Variants in GALNT13 observed in about 807,000 individuals in gnomAD.
GALNT13 encodes the protein polypeptide N-acetylgalactosaminyltransferase 13.
A neutral mutation model predicts 64.2 loss-of-function variants in GALNT13; 28 were observed. That is an observed-to-expected ratio of 0.44 (90% confidence interval 0.32 to 0.60). GALNT13 has a LOEUF of 0.60. GALNT13 is among the 20% of genes least tolerant of loss of function. The probability of loss-of-function intolerance (pLI) is 0.05; values close to 1 mark genes in which losing one functional copy is unlikely to be tolerated. For synonymous variants in GALNT13, 214 were observed against 224.6 expected, an observed-to-expected ratio of 0.95 and a Z score of 0.42; for missense variants, 577 against 669.8, an observed-to-expected ratio of 0.86 and a Z score of 1.53.
chr2:153,910,576 C>T (rs1688870348), intron 2 of GALNT13, among the ~76,000 whole-genome samples: 2 of 152,028 alleles, frequency 1.3e-5, no homozygotes, highest in African/African-American at 2.4e-5. Flanking sequence ...GCATTTTGTG[C>T]TTCAAATTTT....
chr2:154,286,741 C>T (rs893023877), intron 8 of GALNT13: 2 of 319,712 alleles, frequency 6.3e-6, no homozygotes, highest in East Asian at 7.5e-5. Context: ...CATTGTGGTA[C>T]AGGAAGGGAC....
intron 3 of GALNT13, among the ~76,000 whole-genome samples, chr2:154,014,539 C>T (rs1364771054): frequency 6.6e-6 from 1 of 150,718 alleles, no homozygotes; most frequent in Non-Finnish European, 1.5e-5. Flanking sequence ...TTCCCAGTGC[C>T]TGGCTGTGTC....
chr2:153,889,948 T>C (rs1687442347), intron 1 of GALNT13, among the ~76,000 whole-genome samples: 1 of 151,830 alleles, frequency 6.6e-6, no homozygotes, highest in Non-Finnish European at 1.5e-5. Context: ...GGCCAAAATT[T>C]AGTTTTGTGG....
the GALNT13 span, among the ~76,000 whole-genome samples, chr2:153,394,431 GC>G: frequency 1.4e-4 from 21 of 152,198 alleles, no homozygotes; most frequent in Middle Eastern, 3.4e-3. Context: ...TAAACCACTT[GC>G]TTAATTGTCC....
At chr2:153,343,698 T>A in the GALNT13 span, among the ~76,000 whole-genome samples, 1 of 152,220 alleles carries the variant, frequency 6.6e-6, no homozygotes, top group East Asian at 1.9e-4. Flanking sequence ...ATCCTGCTTA[T>A]CCTGACTAGG....
chr2:153,905,748 T>C (rs1193973082), intron 2 of GALNT13, among the ~76,000 whole-genome samples: 2 of 152,042 alleles, frequency 1.3e-5, no homozygotes, highest in Admixed American at 1.3e-4. Context: ...TTTTTCCCTT[T>C]ATTATTTTCT....
At chr2:153,192,125 A>G in the GALNT13 span, among the ~76,000 whole-genome samples, 25,948 of 151,510 alleles carry the variant, frequency 0.17, 2,378 homozygotes, top group African/African-American at 0.19. Flanking sequence ...CTTGAGGTAC[A>G]TCTTTAGGTT....
At chr2:153,535,882 C>T in the GALNT13 span, among the ~76,000 whole-genome samples, 1 of 152,132 alleles carries the variant, frequency 6.6e-6, no homozygotes, top group Non-Finnish European at 1.5e-5. Flanking sequence ...GAAGGCTAAA[C>T]TGAGGACTTA....
chr2:153,131,803 G>A, the GALNT13 span, among the ~76,000 whole-genome samples: 1 of 151,804 alleles, frequency 6.6e-6, no homozygotes, highest in Non-Finnish European at 1.5e-5. Flanking sequence ...AAGCATGTTT[G>A]GTACCTAATG....
intron 4 of GALNT13, among the ~76,000 whole-genome samples, chr2:154,163,977 C>G (rs1434143305): frequency 6.6e-6 from 1 of 152,100 alleles, no homozygotes; most frequent in Non-Finnish European, 1.5e-5. Context: ...AGGATTTCAT[C>G]TTAAAATGAA....
chr2:153,606,610 A>G, the GALNT13 span, among the ~76,000 whole-genome samples: 1 of 152,128 alleles, frequency 6.6e-6, no homozygotes, highest in African/African-American at 2.4e-5. Context: ...GCCCTAAACC[A>G]TGATAATATT....
chr2:153,847,286 C>A, the GALNT13 span, among the ~76,000 whole-genome samples: 1 of 152,008 alleles, frequency 6.6e-6, no homozygotes, highest in South Asian at 2.1e-4. Flanking sequence ...GACAAAACTA[C>A]GGGCAGTAAT....
Position 154,147,883 on chromosome 2 carries a change from CT to C in GALNT13, c.311+7389del, listed in dbSNP as rs1042576758. 3.1e-3 allele frequency among the ~76,000 whole-genome samples: 435 copies of C among 139,702 alleles called. 3 individuals carry two copies. Among genetic ancestry groups the C allele is most frequent in the African/African-American group, 8.1e-3 (310 of 38,438 alleles). 91.6% of individuals were successfully genotyped at this position (139,702 alleles called of 152,430 possible). ...TGTTAATGTGTTCTTATATTTCTTT[CT>C]TTTTTTTTTTGCTGGGATTTTGCTT... On this transcript the variant is annotated intron_variant, in intron 4 of 12. Transcript: ENST00000392825.
intron 3 of GALNT13, among the ~76,000 whole-genome samples, chr2:154,127,629 G>C (rs1682361321): frequency 6.6e-6 from 1 of 151,074 alleles, no homozygotes; most frequent in African/African-American, 2.4e-5. Context: ...AATATAGGAA[G>C]AAGTTTGGGT....
At chr2:153,654,257 A>C in the GALNT13 span, among the ~76,000 whole-genome samples, 1 of 152,168 alleles carries the variant, frequency 6.6e-6, no homozygotes, top group Non-Finnish European at 1.5e-5. Context: ...GAATTATTTT[A>C]AATTTAAATA....
chr2:154,377,320 A>G (rs1219756586), intron 9 of GALNT13, among the ~76,000 whole-genome samples: 2 of 152,036 alleles, frequency 1.3e-5, no homozygotes, highest in Non-Finnish European at 2.9e-5. Flanking sequence ...TTACACATTT[A>G]TGGCCCATGC....
intron 2 of GALNT13, among the ~76,000 whole-genome samples, chr2:153,935,362 C>A (rs1574150146): frequency 6.6e-6 from 1 of 152,236 alleles, no homozygotes; most frequent in African/African-American, 2.4e-5. Flanking sequence ...AAACATATAG[C>A]CCAAAGGGAC....
chr2:153,569,249 C>A, the GALNT13 span, among the ~76,000 whole-genome samples: 1 of 152,054 alleles, frequency 6.6e-6, no homozygotes. Context: ...ATAATTTTAG[C>A]CATTCCAGCC....
the GALNT13 span, among the ~76,000 whole-genome samples, chr2:153,770,773 G>T: frequency 2.0e-5 from 3 of 152,156 alleles, no homozygotes; most frequent in Non-Finnish European, 4.4e-5. Context: ...TCTGAGCTCC[G>T]TGCTCAGCCC....
Sources: allele counts gnomAD v4.1 joint callset (sites outside exome capture counted in the v4.1 genomes callset), GRCh38; gene constraint gnomAD v4.1.1; transcripts MANE v1.5; gene names NCBI Gene and HGNC (gene_info 2026-07-23, HGNC 2026-07-21).